The following SLC5A4 variants were observed in gnomAD, a reference collection of about 807,000 sequenced individuals.
The protein encoded by SLC5A4 is probable glucose sensor protein SLC5A4.
A neutral mutation model predicts 70.3 loss-of-function variants in SLC5A4; 55 were observed. That is an observed-to-expected ratio of 0.78 (90% CI 0.63 to 0.98). The LOEUF is 0.98. Ranked by LOEUF, SLC5A4 falls within the 50% of genes least tolerant of loss-of-function variation. SLC5A4 has a pLI of 0.00. For synonymous variants in SLC5A4, 268 were observed against 305.7 expected (o/e 0.88, Z 1.29); for missense variants, 735 against 839.2 (o/e 0.88, Z 1.53).
At chr22:32,273,192 C>G in the SLC5A4 span, 1 of 369,720 alleles carries the variant, frequency 2.7e-6, no homozygotes, top group South Asian at 2.1e-5. Flanking sequence ...TATATACTTT[C>G]TGGAAGACCA....
At chr22:32,248,087 C>G (rs1926934837) in intron 4 of SLC5A4, among the ~76,000 whole-genome samples, 1 of 152,174 alleles carries the variant, frequency 6.6e-6, no homozygotes, top group Non-Finnish European at 1.5e-5. Context: ...TACTGGAAAC[C>G]TCTCTAGGCA....
chr22:32,296,751 T>C, the SLC5A4 span, among the ~76,000 whole-genome samples: 1 of 47,128 alleles, frequency 2.1e-5, no homozygotes, highest in African/African-American at 8.6e-5. Context: ...AGGGAATGCT[T>C]CCAGTTTTTG....
At chr22:32,271,171 A>T in the SLC5A4 span, 1 of 694,530 alleles carries the variant, frequency 1.4e-6, no homozygotes, top group South Asian at 1.5e-5. Context: ...GTTGCAGGAG[A>T]ATGGCACCAT....
At chr22:32,258,519 T>C (rs1297624291), upstream of SLC5A4, among the ~76,000 whole-genome samples, 2 of 151,798 alleles carry the variant, frequency 1.3e-5, no homozygotes, top group African/African-American at 4.8e-5. Context: ...AAAATGCAGA[T>C]CAAAACCAGT....
chr22:32,263,981 T>A, the SLC5A4 span, among the ~76,000 whole-genome samples: 26 of 152,046 alleles, frequency 1.7e-4, no homozygotes, highest in Non-Finnish European at 2.8e-4. Flanking sequence ...TTCTCGCTCA[T>A]AAGGGGAGTT....
At chr22:32,309,367 GTGTT>G in the SLC5A4 span, among the ~76,000 whole-genome samples, 14 of 151,920 alleles carry the variant, frequency 9.2e-5, no homozygotes, top group African/African-American at 3.4e-4. Context: ...TTATCCTCTT[GTGTT>G]TTTTTGTATT....
At chr22:32,263,496 G>A in the SLC5A4 span, among the ~76,000 whole-genome samples, 1 of 152,136 alleles carries the variant, frequency 6.6e-6, no homozygotes, top group Non-Finnish European at 1.5e-5. Flanking sequence ...AAACCACAAT[G>A]AGATACCATT....
chr22:32,285,572 C>A, the SLC5A4 span, among the ~76,000 whole-genome samples: 1 of 151,910 alleles, frequency 6.6e-6, no homozygotes, highest in Non-Finnish European at 1.5e-5. Context: ...TTTATCATTT[C>A]TTCTATAGTT....
chr22:32,237,227 G>T lies in SLC5A4; in HGVS notation c.664+17C>A. On this transcript the variant is annotated intron_variant, in intron 7 of 14. Transcript: ENST00000266086. ...GATTTCCAGGCCCTGGGCACTGCAC[G>T]CAGGGTCATCACTTACCAAACCCCA... The T allele has an allele frequency of 6.3e-7, 1 of 1,584,238 alleles. No homozygotes were observed. Among genetic ancestry groups the T allele is most frequent in the African/African-American group, 1.3e-5 (1 of 74,294 alleles).
intron 1 of SLC5A4, 72 bp from the exon 2 acceptor site, chr22:32,254,285 A>G (rs1927343632): frequency 1.8e-6 from 2 of 1,136,240 alleles, no homozygotes; most frequent in Middle Eastern, 2.0e-4. Flanking sequence ...GGCTCTGGCC[A>G]GGGTGCTGAG....
rs569714859 is a variant in SLC5A4 at position 32,226,125 on chromosome 22, T to C, written c.1281-302A>G. On this transcript the variant is annotated intron_variant, in intron 11 of 14. Transcript: ENST00000266086. ...CAATACACTACATGTAGTATATCAA[T>C]TGGAAATAAATACCACACTACTTCT... is the stretch of plus-strand genomic sequence containing the variant. Among the ~76,000 whole-genome samples, 114 of 152,346 alleles carry C rather than the reference T, an allele frequency of 7.5e-4. 1 individual carries two copies. The highest frequency in any genetic ancestry group is 2.5e-3 in the African/African-American group (103 of 41,586).
At chr22:32,227,656 G>A (rs775597364) in intron 11 of SLC5A4, among the ~76,000 whole-genome samples, 10 of 152,146 alleles carry the variant, frequency 6.6e-5, no homozygotes, top group Non-Finnish European at 1.5e-4. Context: ...GCCATATTTC[G>A]GCAGGTGGGG....
chr22:32,319,712 T>C, the SLC5A4 span, among the ~76,000 whole-genome samples: 4 of 152,248 alleles, frequency 2.6e-5, no homozygotes, highest in Non-Finnish European at 4.4e-5. Context: ...TGATCTCCTT[T>C]AAGTCACCTT....
intron 2 of SLC5A4, among the ~76,000 whole-genome samples, chr22:32,253,122 C>T (rs189115044): frequency 8.5e-5 from 13 of 152,270 alleles, no homozygotes; most frequent in African/African-American, 1.4e-4. Flanking sequence ...CTTCAGTCAC[C>T]CCAGCCAGGA....
chr22:32,270,341 T>C, the SLC5A4 span: 2 of 1,103,354 alleles, frequency 1.8e-6, no homozygotes, highest in Non-Finnish European at 2.8e-6. Flanking sequence ...AATGGGGCTC[T>C]GTCGGTGCTG....
At chr22:32,259,272 G>A (rs1569387421), upstream of SLC5A4, among the ~76,000 whole-genome samples, 1 of 152,174 alleles carries the variant, frequency 6.6e-6, no homozygotes, top group Non-Finnish European at 1.5e-5. Flanking sequence ...AGACCACATG[G>A]TCTAGATCAT....
At chr22:32,245,979 G>A (rs1474262043) in intron 5 of SLC5A4, among the ~76,000 whole-genome samples, 3 of 152,140 alleles carry the variant, frequency 2.0e-5, no homozygotes, top group Admixed American at 1.3e-4. Context: ...CCATCCTGGG[G>A]AATACTTAAG....
chr22:32,306,590 CAGAG>C, the SLC5A4 span, among the ~76,000 whole-genome samples: 3 of 152,156 alleles, frequency 2.0e-5, no homozygotes, highest in South Asian at 2.1e-4. Flanking sequence ...TATCAGCTCT[CAGAG>C]AGACCCCATG....
At chr22:32,265,274 G>A in the SLC5A4 span, among the ~76,000 whole-genome samples, 1 of 152,206 alleles carries the variant, frequency 6.6e-6, no homozygotes, top group Non-Finnish European at 1.5e-5. Context: ...GGTAGTCCCA[G>A]CTACTGGGGA....
Sources: gnomAD v4.1 joint callset for allele counts (sites outside exome capture counted in the v4.1 genomes callset) on GRCh38, gnomAD v4.1.1 for gene constraint, MANE v1.5 for transcripts, NCBI Gene and HGNC (gene_info 2026-07-23, HGNC 2026-07-21) for gene names.